Variants in SHOC1 observed in about 807,000 individuals in gnomAD.
SHOC1 encodes the protein shortage in chiasmata 1, also known as protein shortage in chiasmata 1 ortholog.
Under a neutral mutation model 179.2 loss-of-function variants are expected in SHOC1, and 136 were observed. The observed-to-expected ratio is 0.76, with a 90% CI of 0.66 to 0.87. SHOC1 has a LOEUF of 0.87. Ranked by LOEUF, SHOC1 falls within the 40% of genes least tolerant of loss-of-function variation. The pLI is 0.00. For synonymous variants in SHOC1, 489 were observed against 586.6 expected, an observed-to-expected ratio of 0.83 and a Z score of 2.41; for missense variants, 1,538 against 1,700.8, an observed-to-expected ratio of 0.90 and a Z score of 1.68.
At chr9:111,708,106 AT>A (rs1192639119) in intron 18 of SHOC1, among the ~76,000 whole-genome samples, 182 bp from the exon 19 acceptor site, 4 of 151,962 alleles carry the variant, frequency 2.6e-5, no homozygotes, top group Non-Finnish European at 5.9e-5. Context: ...CATAACCAAT[AT>A]TTCTCTTGCG....
chr9:111,756,198 A>T, intron 8 of SHOC1, 127 bp downstream of exon 8: 1 of 575,696 alleles, frequency 1.7e-6, no homozygotes, highest in Non-Finnish European at 2.9e-6. Context: ...CTGAGATTTC[A>T]ACATGTAACT....
intron 17 of SHOC1, among the ~76,000 whole-genome samples, chr9:111,713,694 GT>G (rs1277253236): frequency 1.3e-5 from 2 of 152,126 alleles, no homozygotes; most frequent in African/African-American, 4.8e-5. Flanking sequence ...AAAGGCCACA[GT>G]TTATATCTGG....
intron 18 of SHOC1, among the ~76,000 whole-genome samples, chr9:111,712,016 T>C (rs1288951016): frequency 1.3e-5 from 2 of 152,144 alleles, no homozygotes; most frequent in African/African-American, 4.8e-5. Context: ...AAAAAGTAGC[T>C]AGTGGATTAT....
At chr9:111,721,568 G>A (rs1255834119) in intron 15 of SHOC1, among the ~76,000 whole-genome samples, 1 of 152,186 alleles carries the variant, frequency 6.6e-6, no homozygotes, top group Non-Finnish European at 1.5e-5. Flanking sequence ...TCGAACTCCT[G>A]ACCTCAGATG....
At chr9:111,744,633 T>G (rs1834189157) in intron 10 of SHOC1, among the ~76,000 whole-genome samples, 2 of 152,174 alleles carry the variant, frequency 1.3e-5, no homozygotes, top group Non-Finnish European at 2.9e-5. Context: ...TCCCACAGTT[T>G]CCAGTCCTGG....
intron 10 of SHOC1, among the ~76,000 whole-genome samples, chr9:111,743,328 GT>G (rs755808888): frequency 1.3e-5 from 2 of 151,964 alleles, no homozygotes; most frequent in Non-Finnish European, 2.9e-5. Context: ...TCATTTATCT[GT>G]GTTCAACTGC....
intron 12 of SHOC1, among the ~76,000 whole-genome samples, chr9:111,734,910 T>C (rs954088397): frequency 1.3e-5 from 2 of 152,206 alleles, no homozygotes; most frequent in Middle Eastern, 3.2e-3. Context: ...GGGCTATGAC[T>C]GATCCCATCA....
In SHOC1 at chr9:111,703,987, T is replaced by A; in HGVS notation, c.2861A>T (p.Asn954Ile). 6.6e-7 allele frequency: 1 copy of A among 1,521,904 alleles called. No individual in the cohort carries two copies. Among genetic ancestry groups the A allele is most frequent in the Non-Finnish European group, 9.0e-7 (1 of 1,109,262 alleles). The allele number at this position is 1,521,904 out of a possible 1,614,324, so 94.3% of individuals were successfully genotyped here. A position where few individuals can be genotyped will look rare whatever the true frequency, so the allele number is the denominator to read the frequency against. The change falls in exon 22 of 28, where the codon AAC (asparagine) becomes ATC (isoleucine). Residue 954 changes from asparagine (N) to isoleucine (I), a missense_variant. By Grantham distance (149) the Asn-to-Ile change is moderately radical. Transcript: ENST00000682961. ...GCAGCCTCTCTCTACTAGTGAGATG[T>A]TATAGCTGTAAAATACAATATTCTT... ...DILQLLESNY[N>I]ISLVERGCSE...
chr9:111,759,766 G>A (rs1262473947), intron 5 of SHOC1, among the ~76,000 whole-genome samples: 3 of 152,162 alleles, frequency 2.0e-5, no homozygotes, highest in South Asian at 2.1e-4. Flanking sequence ...AGAATAGTAC[G>A]GAGTTTTCAG....
At chr9:111,712,326 A>T (rs1230889078) in intron 18 of SHOC1, among the ~76,000 whole-genome samples, 3 of 152,190 alleles carry the variant, frequency 2.0e-5, no homozygotes, top group Non-Finnish European at 4.4e-5. Flanking sequence ...GGAAATAACC[A>T]GGTGGTTAGT....
At chr9:111,735,546 T>C (rs187016280) in intron 12 of SHOC1, among the ~76,000 whole-genome samples, 11 of 152,338 alleles carry the variant, frequency 7.2e-5, no homozygotes, top group African/African-American at 2.6e-4. Flanking sequence ...TAGTATTCCA[T>C]GGTGTATTAT....
At chr9:111,748,258 C>G in intron 8 of SHOC1, 59 bp from the exon 9 acceptor site, 1 of 1,194,844 alleles carries the variant, frequency 8.4e-7, no homozygotes, top group African/African-American at 1.5e-5. Flanking sequence ...TTTCTGTAAC[C>G]TTGTTCAGTG....
chr9:111,772,904 A>G (rs1835678065), intron 5 of SHOC1, among the ~76,000 whole-genome samples: 1 of 152,166 alleles, frequency 6.6e-6, no homozygotes, highest in African/African-American at 2.4e-5. Context: ...CTGCCAGGGA[A>G]TCCAAGATGG....
chr9:111,713,498 G>A (rs184342060), intron 17 of SHOC1, among the ~76,000 whole-genome samples: 89 of 152,284 alleles, frequency 5.8e-4, no homozygotes, highest in East Asian at 5.4e-3. Context: ...GAGAAAACCC[G>A]TGATCTGCTG....
chr9:111,695,914 T>C (rs1831666645), intron 24 of SHOC1, among the ~76,000 whole-genome samples: 1 of 152,138 alleles, frequency 6.6e-6, no homozygotes, highest in Non-Finnish European at 1.5e-5. Flanking sequence ...AAACGAGATA[T>C]TTCGTGGCAA....
chr9:111,692,269 T>G lies in SHOC1; in HGVS notation c.3708A>C (p.Leu1236=), dbSNP rs756530575. The change falls in exon 27 of 28, where the codon CTA becomes CTC. Residue 1236 remains leucine (L), a synonymous_variant. Coordinates refer to ENST00000682961, the MANE Select transcript of SHOC1 (RefSeq NM_001378211.1). ...ILNDNSSIME[L]KEISSFLPPV... ...GTGGTAAAAAACTTGAGATTTCTTT[T>G]AGTTCCATAATGGAAGAGTTGTCAT... 1.2e-6 allele frequency: 2 copies of G among 1,613,524 alleles called. No individual in the cohort carries two copies. The highest frequency in any genetic ancestry group is 2.7e-5 in the African/African-American group (2 of 74,922).
At chr9:111,741,621 A>G (rs1834044721) in intron 10 of SHOC1, 51 bp from the exon 11 acceptor site, 1 of 956,452 alleles carries the variant, frequency 1.0e-6, no homozygotes, top group Non-Finnish European at 1.5e-6. Flanking sequence ...AGTCTTTTGT[A>G]TAATAAAATT....
Position 111,776,051 on chromosome 9 carries a change from A to T in SHOC1, c.258-76T>A, listed in dbSNP as rs1263735855. The T allele has an allele frequency of 5.4e-6, 6 of 1,102,380 alleles. No homozygotes were observed. The East Asian group carries it at 1.3e-4, about 24-fold the overall frequency. The allele number at this position is 1,102,380 out of a possible 1,614,324, so 68.3% of individuals were successfully genotyped here. A position where few individuals can be genotyped will look rare whatever the true frequency, so the allele number is the denominator to read the frequency against. The stretch of plus-strand genomic sequence containing the variant: ...TTTTATTAGTAGATAATATATGTCC[A>T]CTGTGGAAAAAATTATCAAATTCCA... On this transcript the variant is annotated intron_variant, in intron 4 of 27. Transcript: ENST00000682961.
chr9:111,714,653 CTAAG>C lies in SHOC1; in HGVS notation c.2237-34_2237-31del, dbSNP rs764570792. On this transcript the variant is annotated intron_variant, in intron 16 of 27. Coordinates refer to ENST00000682961, the MANE Select transcript of SHOC1 (RefSeq NM_001378211.1). ...TGAAGCAAAATTAGAAAAAAATTGT[CTAAG>C]TATTTGTTTTTTAAGAAACTCCGTG... 6 of 1,572,718 alleles carry C rather than the reference CTAAG, an allele frequency of 3.8e-6. No homozygotes were observed. The East Asian group carries it at 1.4e-4, about 36-fold the overall frequency.
Sources: allele counts gnomAD v4.1 joint callset (sites outside exome capture counted in the v4.1 genomes callset), GRCh38; gene constraint gnomAD v4.1.1; transcripts MANE v1.5; gene names NCBI Gene and HGNC (gene_info 2026-07-23, HGNC 2026-07-21).